LRRTM4: variants seen among roughly 807,000 people sequenced by gnomAD.
The protein encoded by LRRTM4 is leucine-rich repeat transmembrane neuronal protein 4.
Under a neutral mutation model 47.6 loss-of-function variants are expected in LRRTM4, and 25 were observed. The ratio of observed to expected loss-of-function variants is 0.53; its 90% confidence interval spans 0.38 to 0.73. The LOEUF (loss-of-function observed/expected upper bound fraction) is 0.73. Ranked by LOEUF, LRRTM4 falls within the 30% of genes least tolerant of loss-of-function variation. The pLI, the probability that LRRTM4 is intolerant of heterozygous loss-of-function variation, is 0.00. For synonymous variants in LRRTM4, 311 were observed against 269.5 expected (o/e 1.15, Z -1.51); for missense variants, 638 against 713.4 (o/e 0.89, Z 1.20).
At position 77,359,963 on chromosome 2, in the gene LRRTM4, C is replaced by T. The variant is rs539458968; in HGVS notation, c.1551+158355G>A. Among the ~76,000 whole-genome samples the T allele has an allele frequency of 8.5e-5, 13 of 152,160 alleles. No individual in the cohort carries two copies. The South Asian group carries it at 2.5e-3, about 29-fold the overall frequency. ...ATACCAAAATTTTTACAAGTGCTAA[C>T]CTAGTTACTATTATAGAACATGAAG... On this transcript the variant is annotated intron_variant, in intron 3 of 3. Transcript: ENST00000409884.
rs79215578 is a variant in LRRTM4 at position 77,115,542 on chromosome 2, A to T, written c.1552-366626T>A. Reference sequence around the variant, plus strand: ...AATGTACATGAAATCTTCACAATTTATGTTCTTCTGCCTTGCCTCCAGCCG... The same window carrying T: ...AATGTACATGAAATCTTCACAATTTTTGTTCTTCTGCCTTGCCTCCAGCCG... On this transcript the variant is annotated intron_variant, in intron 3 of 3. Transcript: ENST00000409884. Among the ~76,000 whole-genome samples, 230 of 152,272 alleles carry T rather than the reference A, an allele frequency of 1.5e-3. 3 individuals carry two copies. In the East Asian group the frequency reaches 0.025, roughly 17 times the overall value.
At chr2:77,055,446 C>T (rs1471515243) in intron 3 of LRRTM4, among the ~76,000 whole-genome samples, 2 of 152,112 alleles carry the variant, frequency 1.3e-5, no homozygotes, top group South Asian at 2.1e-4. Flanking sequence ...AAAATGCTCA[C>T]CATCACTGCC....
At chr2:77,387,067 G>A (rs1316182880) in intron 3 of LRRTM4, among the ~76,000 whole-genome samples, 1 of 152,038 alleles carries the variant, frequency 6.6e-6, no homozygotes, top group Non-Finnish European at 1.5e-5. Flanking sequence ...CTGAGAGGCA[G>A]GCAATATTCC....
intron 3 of LRRTM4, among the ~76,000 whole-genome samples, chr2:77,142,197 T>C: frequency 6.6e-6 from 1 of 152,110 alleles, no homozygotes. Flanking sequence ...TGCAATTAAC[T>C]CCCTTGAATG....
chr2:76,942,252 G>A (rs1237911527), intron 3 of LRRTM4, among the ~76,000 whole-genome samples: 1 of 152,024 alleles, frequency 6.6e-6, no homozygotes, highest in African/African-American at 2.4e-5. Context: ...CTCCCATTCT[G>A]TAGGTTGTCT....
intron 3 of LRRTM4, among the ~76,000 whole-genome samples, chr2:76,836,931 T>G (rs1307036898): frequency 6.6e-6 from 1 of 152,160 alleles, no homozygotes; most frequent in Non-Finnish European, 1.5e-5. Context: ...AAAAATTTAG[T>G]TACTACAGTT....
intron 3 of LRRTM4, among the ~76,000 whole-genome samples, chr2:77,067,081 C>A (rs914583670): frequency 6.6e-6 from 1 of 152,170 alleles, no homozygotes; most frequent in Non-Finnish European, 1.5e-5. Context: ...GTTAATAGAA[C>A]TGGAGATAAG....
At chr2:76,828,173 T>C (rs1330322114) in intron 3 of LRRTM4, among the ~76,000 whole-genome samples, 4 of 151,928 alleles carry the variant, frequency 2.6e-5, no homozygotes, top group African/African-American at 9.7e-5. Flanking sequence ...CATTGAATGA[T>C]GTGAGGGTAA....
At chr2:76,951,987 C>T (rs1233226737) in intron 3 of LRRTM4, among the ~76,000 whole-genome samples, 3 of 151,872 alleles carry the variant, frequency 2.0e-5, no homozygotes, top group African/African-American at 4.8e-5. Context: ...CATAGTATTC[C>T]GTGGTGTATA....
intron 3 of LRRTM4, among the ~76,000 whole-genome samples, chr2:77,446,050 T>G (rs1022347977): frequency 6.6e-6 from 1 of 152,034 alleles, no homozygotes; most frequent in African/African-American, 2.4e-5. Context: ...TGGGGACTGA[T>G]AGGTTATATA....
intron 3 of LRRTM4, among the ~76,000 whole-genome samples, chr2:77,227,278 G>A (rs1270700359): frequency 6.6e-6 from 1 of 151,942 alleles, no homozygotes; most frequent in Non-Finnish European, 1.5e-5. Flanking sequence ...CACACTCAAT[G>A]TTTATTTTAT....
intron 3 of LRRTM4, among the ~76,000 whole-genome samples, chr2:77,405,486 G>T (rs1674148863): frequency 6.6e-6 from 1 of 152,042 alleles, no homozygotes; most frequent in Non-Finnish European, 1.5e-5. Flanking sequence ...CATAAAACAA[G>T]GAGAAGCTTC....
Position 77,519,265 on chromosome 2 carries a change from C to A in LRRTM4, c.604G>T (p.Ala202Ser). 1 of 1,613,354 alleles carries A rather than the reference C, an allele frequency of 6.2e-7. No homozygotes were observed. Among genetic ancestry groups the A allele is most frequent in the Non-Finnish European group, 8.5e-7 (1 of 1,179,586 alleles). ...RLRSLSRNAF[A>S]GLLKLKELHL... The stretch of plus-strand genomic sequence containing the variant: ...AGCTCCTTTAACTTCAAGAGGCCAG[C>A]AAATGCATTTCGGGACAAGCTTCGA... The change falls in exon 3 of 4, where the codon GCT (alanine) becomes TCT (serine). Residue 202 changes from alanine to serine, a missense_variant. Ala to Ser is a moderately conservative substitution (Grantham distance 99). Coordinates refer to ENST00000409884, the MANE Select transcript of LRRTM4 (RefSeq NM_001134745.3). The surrounding 1 kb of genome is among the most constrained non-coding windows in gnomAD (Gnocchi z 4.6).
At chr2:77,453,746 C>G (rs1317010452) in intron 3 of LRRTM4, among the ~76,000 whole-genome samples, 1 of 151,898 alleles carries the variant, frequency 6.6e-6, no homozygotes, top group African/African-American at 2.4e-5. Context: ...TTTGGTATGT[C>G]TTTCATAAAA....
At chr2:77,272,961 TAG>T (rs1328801049) in intron 3 of LRRTM4, among the ~76,000 whole-genome samples, 1 of 152,180 alleles carries the variant, frequency 6.6e-6, no homozygotes, top group Non-Finnish European at 1.5e-5. Flanking sequence ...TATAATTTGA[TAG>T]TTTTAAAGTC....
chr2:77,049,139 T>C (rs1173862970), intron 3 of LRRTM4, among the ~76,000 whole-genome samples: 1 of 130,868 alleles, frequency 7.6e-6, no homozygotes, highest in African/African-American at 3.2e-5. Context: ...TATATATATA[T>C]ATATATATAT....
chr2:76,999,107 G>A (rs1295439411), intron 3 of LRRTM4, among the ~76,000 whole-genome samples: 2 of 151,854 alleles, frequency 1.3e-5, no homozygotes, highest in African/African-American at 4.8e-5. Context: ...GTTGGGGAGG[G>A]GTAGTGTGTG....
At chr2:77,075,188 T>C (rs913091154) in intron 3 of LRRTM4, among the ~76,000 whole-genome samples, 2 of 152,222 alleles carry the variant, frequency 1.3e-5, no homozygotes, top group Non-Finnish European at 2.9e-5. Context: ...ATGTCAAGTA[T>C]AGATGTTACA....
chr2:77,374,089 C>G (rs1052726815), intron 3 of LRRTM4, among the ~76,000 whole-genome samples: 3 of 151,710 alleles, frequency 2.0e-5, no homozygotes, highest in African/African-American at 2.4e-5. Flanking sequence ...TGCCTGTCTA[C>G]CATTTCTACT....
Sources: allele counts gnomAD v4.1 joint callset (sites outside exome capture counted in the v4.1 genomes callset), GRCh38; gene constraint gnomAD v4.1.1; non-coding constraint Gnocchi (gnomAD v3.1); transcripts MANE v1.5; gene names NCBI Gene and HGNC (gene_info 2026-07-23, HGNC 2026-07-21).